Variants in LCA5L observed in about 807,000 individuals in gnomAD.
LCA5L encodes the protein lebercilin LCA5 like.
A neutral mutation model predicts 45.4 loss-of-function variants in LCA5L; 35 were observed. The observed-to-expected ratio is 0.77, with a 90% CI of 0.59 to 1.02. LCA5L has a LOEUF of 1.02. Among genes scored for constraint, LCA5L ranks in the 50% least tolerant of loss-of-function variants. LCA5L has a pLI of 0.00. For synonymous variants in LCA5L, 233 were observed against 264.7 expected, an observed-to-expected ratio of 0.88 and a Z score of 1.16; for missense variants, 668 against 761.6, an observed-to-expected ratio of 0.88 and a Z score of 1.45.
At chr21:39,444,029 T>TAAAAAAAAAAAAAAAAAAAAAAA (rs780013397) in intron 2 of LCA5L, 106 bp downstream of exon 2, 1 of 139,954 alleles carries the variant, frequency 7.1e-6, no homozygotes, top group African/African-American at 2.6e-5. Flanking sequence ...GGCTCTGTCT[T>TAAAAAAAAAAAAAAAAAAAAAAA]AAAAAAAAAA....
At chr21:39,419,557 A>G (rs1375395428) in intron 7 of LCA5L, among the ~76,000 whole-genome samples, 1 of 151,676 alleles carries the variant, frequency 6.6e-6, no homozygotes, top group Non-Finnish European at 1.5e-5. Context: ...AAAGAAAGAA[A>G]GGGAAATTAT....
chr21:39,417,587 A>C (rs4607016), intron 7 of LCA5L, among the ~76,000 whole-genome samples: 19,555 of 152,064 alleles, frequency 0.13, 4,095 homozygotes, highest in African/African-American at 0.44. Flanking sequence ...TAAAGACATA[A>C]CTGAGTCTAG....
chr21:39,411,689 G>T (rs16997561), intron 8 of LCA5L, 29 bp downstream of exon 8: 2 of 1,177,588 alleles, frequency 1.7e-6, no homozygotes, highest in African/African-American at 1.5e-5. Context: ...CTTAAAAATA[G>T]ATTTTGAGCA....
At position 39,423,473 on chromosome 21, in the gene LCA5L, C is replaced by A. The variant is rs368931469; in HGVS notation, c.340G>T (p.Val114Phe). ...GCATTCCAGGTGTGCTTTTTTTCAA[C>A]TGATATTTCCTTCTGGCCTGTGTAA... is the stretch of plus-strand genomic sequence containing the variant. Reference protein sequence around the residue: ...SQSKGQKEISVEKKHTWNASL... With the variant: ...SQSKGQKEISFEKKHTWNASL... Residue 114 changes from valine (V) to phenylalanine (F), a missense_variant, in exon 6 of 11, where the codon GTT becomes TTT. Coordinates refer to ENST00000288350, the MANE Select transcript of LCA5L (RefSeq NM_152505.4). The A allele has an allele frequency of 2.6e-6, 4 of 1,562,988 alleles. No individual in the cohort carries two copies. The African/African-American group carries it at 4.1e-5, about 16-fold the overall frequency.
At chr21:39,422,900 C>T (rs916802894) in intron 6 of LCA5L, 76 bp downstream of exon 6, 31 of 1,294,530 alleles carry the variant, frequency 2.4e-5, no homozygotes, top group Middle Eastern at 2.3e-4. Flanking sequence ...ACAGAGGGGG[C>T]GCATCCATGA....
chr21:39,417,177 C>T (rs112397418), intron 7 of LCA5L, among the ~76,000 whole-genome samples: 13 of 152,186 alleles, frequency 8.5e-5, no homozygotes, highest in South Asian at 8.3e-4. Context: ...GGATTACAGG[C>T]GCGCACCACC....
In LCA5L at chr21:39,423,389, G is replaced by A; in HGVS notation, c.424C>T (p.Arg142Ter). Residue 142 changes from arginine (R) to a stop codon, truncating the protein, a stop_gained, in exon 6 of 11, where the codon CGA becomes TGA. Transcript: ENST00000288350. LOFTEE classifies it high-confidence loss of function. ...TTATGAAGCCTTGCTGAGAGTATTC[G>A]ATGAGCCATAGCATCTCTTCTTTGG... ...IAQRRDAMAH[R>*]ILSARLHKIK... 2.5e-6 allele frequency: 4 copies of A among 1,611,032 alleles called. No individual in the cohort carries two copies. Among genetic ancestry groups the A allele is most frequent in the East Asian group, 2.2e-5 (1 of 44,868 alleles).
At chr21:39,444,466 T>G (rs1427737022) in intron 1 of LCA5L, among the ~76,000 whole-genome samples, 1 of 152,216 alleles carries the variant, frequency 6.6e-6, no homozygotes, top group Non-Finnish European at 1.5e-5. Flanking sequence ...AATACTGCAC[T>G]TTTACCTATG....
intron 2 of LCA5L, among the ~76,000 whole-genome samples, chr21:39,441,679 C>T (rs1227025232): frequency 6.6e-6 from 1 of 152,152 alleles, no homozygotes; most frequent in East Asian, 1.9e-4. Context: ...GATAAGAACC[C>T]GTGCCTCTCT....
At chr21:39,414,580 C>T (rs992269243) in intron 7 of LCA5L, among the ~76,000 whole-genome samples, 12 of 152,130 alleles carry the variant, frequency 7.9e-5, no homozygotes, top group African/African-American at 1.7e-4. Context: ...CCTCGTGACT[C>T]GCTACCAAAA....
chr21:39,445,112 GAA>G (rs1176647827), intron 1 of LCA5L, among the ~76,000 whole-genome samples: 1 of 151,592 alleles, frequency 6.6e-6, no homozygotes, highest in Non-Finnish European at 1.5e-5. Context: ...ACTGGTCTCT[GAA>G]AAAAGTTAAC....
intron 5 of LCA5L, chr21:39,425,815 G>A (rs1161222369): frequency 1.3e-5 from 2 of 152,290 alleles, no homozygotes; most frequent in African/African-American, 2.4e-5. Context: ...AGAAGGATGC[G>A]TGATGGGATC....
In LCA5L at chr21:39,406,061, C is replaced by A; in HGVS notation, c.1834G>T (p.Asp612Tyr). 1 of 1,614,138 alleles carries A rather than the reference C, an allele frequency of 6.2e-7. No homozygotes were observed. Among genetic ancestry groups the A allele is most frequent in the South Asian group, 1.1e-5 (1 of 91,052 alleles). ...LFGSGYVLKT[D>Y]QSSPGVAKGS... ...TTTGCAACACCAGGACTTGATTGGTCAGTTTTCAAGACATAGCCTGATCCA... is the reference window on the plus strand; with the variant it reads ...TTTGCAACACCAGGACTTGATTGGTAAGTTTTCAAGACATAGCCTGATCCA... Residue 612 changes from aspartate (D) to tyrosine (Y), a missense_variant, in exon 11 of 11, where the codon GAC becomes TAC. Coordinates refer to ENST00000288350, the MANE Select transcript of LCA5L (RefSeq NM_152505.4).
rs554942100 is a variant in LCA5L, at chr21:39,410,641, G to A, written c.1061-274C>T. Among the ~76,000 whole-genome samples the A allele has an allele frequency of 9.2e-5, 14 of 152,286 alleles. No homozygotes were observed. The South Asian group carries it at 2.9e-3, about 32-fold the overall frequency. On this transcript the variant is annotated intron_variant, in intron 8 of 10. Coordinates refer to ENST00000288350, the MANE Select transcript of LCA5L (RefSeq NM_152505.4). ...TTGGAGGACAAGGCTGTCCTTTGTG[G>A]ATGGGATTCAGCAAGGTAGACGTGT...
chr21:39,410,107 G>A lies in LCA5L; in HGVS notation c.1165-11C>T. 1 of 1,568,572 alleles carries A rather than the reference G, an allele frequency of 6.4e-7. No homozygotes were observed. The highest frequency in any genetic ancestry group is 8.8e-7 in the Non-Finnish European group (1 of 1,140,670). On this transcript the variant is annotated splice_polypyrimidine_tract_variant and intron_variant, in intron 9 of 10. Coordinates refer to ENST00000288350, the MANE Select transcript of LCA5L (RefSeq NM_152505.4). ...TGTTGCCTTTTTACCCTGTAATTTA[G>A]AAAAGCAGCAAAAACACATTTTGGG... is the stretch of plus-strand genomic sequence containing the variant.
chr21:39,409,996 G>T lies in LCA5L; in HGVS notation c.1265C>A (p.Ser422Tyr). ...CVNKLPKQED[S>Y]KRKYEDLSGE... ...AAAATTACCTTCATATTTTCTCTTA[G>T]AATCCTCTTGCTTTGGTAGTTTATT... Residue 422 changes from serine (S) to tyrosine (Y), a missense_variant, in exon 10 of 11, where the codon TCT (serine) becomes TAT (tyrosine). Physicochemically the swap from Ser to Tyr is moderately radical, Grantham distance 144 (BLOSUM62 -2). Transcript: ENST00000288350. This position sits in a 1 kb window ranked among gnomAD's most constrained non-coding sequence, Gnocchi z 4.2. 1 of 1,549,964 alleles carries T rather than the reference G, an allele frequency of 6.5e-7. No homozygotes were observed. The highest frequency in any genetic ancestry group is 8.9e-7 in the Non-Finnish European group (1 of 1,126,504).
chr21:39,410,477 A>G, intron 8 of LCA5L, 110 bp from the exon 9 acceptor site: 1 of 584,064 alleles, frequency 1.7e-6, no homozygotes. Context: ...TATACTAAGT[A>G]TTTTCTAAAT....
chr21:39,418,506 T>C (rs2041699511), intron 7 of LCA5L, among the ~76,000 whole-genome samples: 1 of 152,134 alleles, frequency 6.6e-6, no homozygotes, highest in Admixed American at 6.5e-5. Context: ...TTTTATTTTT[T>C]TTAAATTTTT....
rs771995264 is a variant in LCA5L at position 39,410,139 on chromosome 21, A to G, written c.1165-43T>C. The G allele has an allele frequency of 6.5e-6, 9 of 1,394,248 alleles. No individual in the cohort carries two copies. In the South Asian group the frequency reaches 1.1e-4, roughly 16 times the overall value. The allele number at this position is 1,394,248 out of a possible 1,614,324, so 86.4% of individuals were successfully genotyped here. A position where few individuals can be genotyped will look rare whatever the true frequency, so the allele number is the denominator to read the frequency against. ...AGCAAAAACACATTTTGGGGGGTCT[A>G]GATAACTTAAAATTGCATTTTATTC... is the stretch of plus-strand genomic sequence containing the variant. On this transcript the variant is annotated intron_variant, in intron 9 of 10. Transcript: ENST00000288350.
Sources: allele counts gnomAD v4.1 joint callset (sites outside exome capture counted in the v4.1 genomes callset), GRCh38; gene constraint gnomAD v4.1.1; non-coding constraint Gnocchi (gnomAD v3.1); transcripts MANE v1.5; gene names NCBI Gene and HGNC (gene_info 2026-07-23, HGNC 2026-07-21).